Variants in TRIM37 observed in about 807,000 individuals in gnomAD.
TRIM37 encodes E3 ubiquitin-protein ligase TRIM37.
Under a neutral mutation model 129.8 loss-of-function variants are expected in TRIM37, and 80 were observed. That is an observed-to-expected ratio of 0.62 (90% CI 0.51 to 0.74). TRIM37 has a LOEUF of 0.74. Among genes scored for constraint, TRIM37 ranks in the 30% least tolerant of loss-of-function variants. The probability of loss-of-function intolerance (pLI) is 0.00; values close to 1 mark genes in which losing one functional copy is unlikely to be tolerated. For synonymous variants in TRIM37, 389 were observed against 387.1 expected (o/e 1.00, Z -0.06); for missense variants, 1,054 against 1,176.5 (o/e 0.90, Z 1.52).
chr17:58,974,879 TAA>T, the TRIM37 span, among the ~76,000 whole-genome samples: 1 of 152,134 alleles, frequency 6.6e-6, no homozygotes, highest in Non-Finnish European at 1.5e-5. Flanking sequence ...GAGAAATAGC[TAA>T]AAGAGTCTAC....
chr17:58,989,971 A>C (rs932823280), intron 24 of TRIM37, among the ~76,000 whole-genome samples: 1 of 151,678 alleles, frequency 6.6e-6, no homozygotes, highest in Non-Finnish European at 1.5e-5. Context: ...GGATAGCTTA[A>C]ACTTAGGAGT....
chr17:59,083,473 G>A (rs978971091), intron 5 of TRIM37, among the ~76,000 whole-genome samples: 3 of 151,052 alleles, frequency 2.0e-5, no homozygotes, highest in Admixed American at 6.6e-5. Context: ...AACAGAACAC[G>A]ACTTTAAAAT....
rs985932589 is a variant in TRIM37, at chr17:59,098,122, T to C, written c.123+6171A>G. Among the ~76,000 whole-genome samples the C allele has an allele frequency of 1.3e-5, 2 of 151,902 alleles. 1 individual carries two copies. Among genetic ancestry groups the C allele is most frequent in the African/African-American group, 4.8e-5 (2 of 41,342 alleles). ...AGACTAATAGAACAGAATAGAGAGGTAGAAATAAACAAAAATATTTTATGA... is the reference window on the plus strand; with the variant it reads ...AGACTAATAGAACAGAATAGAGAGGCAGAAATAAACAAAAATATTTTATGA... On this transcript the variant is annotated intron_variant, in intron 2 of 23. Coordinates refer to ENST00000262294, the MANE Select transcript of TRIM37 (RefSeq NM_015294.6).
At chr17:59,033,549 C>T (rs1480633640) in intron 17 of TRIM37, among the ~76,000 whole-genome samples, 1 of 152,046 alleles carries the variant, frequency 6.6e-6, no homozygotes, top group Non-Finnish European at 1.5e-5. Context: ...TCTCCTGCCT[C>T]AGCCTCCCGT....
rs1268805871 is a variant in TRIM37 at position 59,056,880 on chromosome 17, A to G, written c.1194T>C (p.Ile398=). 2 of 1,613,650 alleles carry G rather than the reference A, an allele frequency of 1.2e-6. No homozygotes were observed. The highest frequency in any genetic ancestry group is 1.7e-6 in the Non-Finnish European group (2 of 1,179,866). Residue 398 remains isoleucine, a synonymous_variant, in exon 13 of 24, where the codon ATT becomes ATC. Transcript: ENST00000262294. ...CATCAAATTTTTCCTGTTACCTTAA[A>G]ATCACTGTATCATTTTGTGGATTCA... ...GYLNPQNDTV[I]LRFQVRSPTF...
downstream of TRIM37, chr17:58,981,581 G>A (rs2031358406): frequency 6.6e-6 from 1 of 152,634 alleles, no homozygotes; most frequent in African/African-American, 2.4e-5. Context: ...AACAATGAAA[G>A]TGGTAAATCA....
intron 2 of TRIM37, among the ~76,000 whole-genome samples, chr17:59,103,140 C>T (rs555837691): frequency 1.3e-5 from 2 of 151,866 alleles, no homozygotes; most frequent in Non-Finnish European, 1.5e-5. Context: ...CCCAAAATGC[C>T]GGGATTACAG....
chr17:59,032,672 A>G (rs1318643181), intron 17 of TRIM37, among the ~76,000 whole-genome samples: 1 of 152,156 alleles, frequency 6.6e-6, no homozygotes, highest in African/African-American at 2.4e-5. Context: ...AACAGATGAC[A>G]ATGTGTACGA....
chr17:59,040,598 T>C (rs971391244), intron 17 of TRIM37, among the ~76,000 whole-genome samples: 2 of 151,892 alleles, frequency 1.3e-5, no homozygotes, highest in Non-Finnish European at 2.9e-5. Context: ...AAGAAAGAAC[T>C]TGAAAAGTAA....
chr17:59,055,799 G>A (rs1388416658), intron 13 of TRIM37, among the ~76,000 whole-genome samples: 5 of 151,756 alleles, frequency 3.3e-5, no homozygotes, highest in Admixed American at 2.0e-4. Context: ...AGGAGGGAGA[G>A]GATAAGAAAA....
chr17:58,982,611 A>G, downstream of TRIM37: 3 of 373,040 alleles, frequency 8.0e-6, no homozygotes, highest in South Asian at 1.2e-4. Context: ...CAGTATAGCT[A>G]TATCAAATAG....
chr17:59,041,319 G>GT (rs1425534668), intron 17 of TRIM37, among the ~76,000 whole-genome samples: 1 of 152,138 alleles, frequency 6.6e-6, no homozygotes, highest in African/African-American at 2.4e-5. Context: ...ATATGACCAG[G>GT]TAACTGAAAA....
chr17:58,987,868 T>C lies in TRIM37; in HGVS notation c.2892-4947A>G, dbSNP rs140242550. 4.4e-3 allele frequency among the ~76,000 whole-genome samples: 663 copies of C among 152,366 alleles called. 2 individuals are homozygous for C. The highest frequency in any genetic ancestry group is 0.014 in the African/African-American group (595 of 41,594). On this transcript the variant is annotated intron_variant, in intron 24 of 24. Transcript: ENST00000393066. The stretch of plus-strand genomic sequence containing the variant: ...CACTCATGTTTTACATTCAATAAAA[T>C]GTGTGTTTTACATATATACATTTTT...
chr17:58,968,916 AT>A, the TRIM37 span, among the ~76,000 whole-genome samples: 88 of 152,314 alleles, frequency 5.8e-4, no homozygotes, highest in Middle Eastern at 3.4e-3. Flanking sequence ...TGAGCATCTG[AT>A]GTGGTTCAAG....
At chr17:58,981,000 C>A (rs1240206309), downstream of TRIM37, 1 of 1,611,710 alleles carries the variant, frequency 6.2e-7, no homozygotes, top group Non-Finnish European at 8.5e-7. This position sits in a 1 kb window ranked among gnomAD's most constrained non-coding sequence, Gnocchi z 4.7. Flanking sequence ...ATTCCATGCC[C>A]AGATCTTCCT....
intron 20 of TRIM37, among the ~76,000 whole-genome samples, chr17:59,016,455 G>A (rs1485806852): frequency 6.7e-6 from 1 of 149,908 alleles, no homozygotes; most frequent in Non-Finnish European, 1.5e-5. Flanking sequence ...TGTTTTTTAT[G>A]CCAAGCATCT....
chr17:59,106,341 G>A (rs1448253052), intron 1 of TRIM37, 100 bp downstream of exon 1: 1 of 1,425,180 alleles, frequency 7.0e-7, no homozygotes, highest in Non-Finnish European at 9.8e-7. Context: ...GGCGGGGTAG[G>A]GGTGCCCTAC....
chr17:58,976,290 G>A, the TRIM37 span, among the ~76,000 whole-genome samples: 1 of 152,156 alleles, frequency 6.6e-6, no homozygotes, highest in Non-Finnish European at 1.5e-5. Context: ...AGATTAAACA[G>A]TGCATGTGTG....
At chr17:59,081,050 T>C (rs762852613) in intron 6 of TRIM37, 47 bp downstream of exon 6, 4 of 1,200,652 alleles carry the variant, frequency 3.3e-6, no homozygotes, top group Admixed American at 2.3e-5. Flanking sequence ...TATTATTATA[T>C]ATTACAGATT....
Sources: gnomAD v4.1 joint callset for allele counts (sites outside exome capture counted in the v4.1 genomes callset) on GRCh38, gnomAD v4.1.1 for gene constraint, Gnocchi (gnomAD v3.1) non-coding constraint, MANE v1.5 for transcripts, NCBI Gene and HGNC (gene_info 2026-07-23, HGNC 2026-07-21) for gene names.